RPF2: variants seen among roughly 807,000 people sequenced by gnomAD.
RPF2 encodes ribosome production factor 2 homolog.
A neutral mutation model predicts 38.9 loss-of-function variants in RPF2; 21 were observed. That is an observed-to-expected ratio of 0.54 (90% CI 0.38 to 0.78). The LOEUF (loss-of-function observed/expected upper bound fraction) is 0.78. RPF2 is among the 30% of genes least tolerant of loss of function. The probability of loss-of-function intolerance (pLI) is 0.00; values close to 1 mark genes in which losing one functional copy is unlikely to be tolerated. For missense variants in RPF2, 314 were observed against 358.1 expected, an observed-to-expected ratio of 0.88 and a Z score of 0.99; for synonymous variants, 121 against 126.2, an observed-to-expected ratio of 0.96 and a Z score of 0.28.
At chr6:110,984,451 T>C (rs1488130665) in intron 1 of RPF2, among the ~76,000 whole-genome samples, 1 of 152,134 alleles carries the variant, frequency 6.6e-6, no homozygotes, top group Non-Finnish European at 1.5e-5. Flanking sequence ...AATAAAAGAA[T>C]GGTGGGAATA....
chr6:110,999,993 C>T (rs973288268), intron 6 of RPF2, among the ~76,000 whole-genome samples: 16 of 152,106 alleles, frequency 1.1e-4, no homozygotes, highest in African/African-American at 3.9e-4. Flanking sequence ...CATATGTGGA[C>T]TTTGTGGCTG....
intron 4 of RPF2, among the ~76,000 whole-genome samples, chr6:110,994,521 G>T (rs1771674058): frequency 1.3e-5 from 2 of 151,860 alleles, no homozygotes; most frequent in South Asian, 2.1e-4. Flanking sequence ...GGAGTTTGAG[G>T]TTATAGTGAG....
intron 2 of RPF2, 25 bp downstream of exon 2, chr6:110,985,163 A>G (rs1352419900): frequency 6.3e-7 from 1 of 1,583,186 alleles, no homozygotes; most frequent in Non-Finnish European, 8.6e-7. Context: ...TTAATCTTTA[A>G]AAGGTATTGA....
At chr6:111,008,898 CTTTTTTTTTT>C (rs57167034) in intron 7 of RPF2, among the ~76,000 whole-genome samples, 25 of 120,418 alleles carry the variant, frequency 2.1e-4, no homozygotes, top group Admixed American at 5.0e-4. Context: ...TTCCTGGCTC[CTTTTTTTTTT>C]TTTTTTTTAA....
At chr6:111,022,554 ATTATACATAG>A (rs776260743) in intron 8 of RPF2, among the ~76,000 whole-genome samples, 17 of 152,372 alleles carry the variant, frequency 1.1e-4, no homozygotes, top group Non-Finnish European at 2.2e-4. Context: ...AACATAGGTA[ATTATACATAG>A]TTATTTGGAA....
chr6:110,985,983 G>T (rs1204432920), intron 2 of RPF2, among the ~76,000 whole-genome samples: 1 of 152,028 alleles, frequency 6.6e-6, no homozygotes, highest in African/African-American at 2.4e-5. Context: ...CACAGGGTAG[G>T]TTCCCCCAGA....
chr6:111,020,135 G>A (rs1299685926), intron 8 of RPF2, among the ~76,000 whole-genome samples: 1 of 152,060 alleles, frequency 6.6e-6, no homozygotes, highest in Non-Finnish European at 1.5e-5. Context: ...AGTCAGGATG[G>A]TCTCAATCTC....
At chr6:111,000,601 C>T (rs1183463247) in intron 6 of RPF2, among the ~76,000 whole-genome samples, 1 of 152,144 alleles carries the variant, frequency 6.6e-6, no homozygotes, top group Non-Finnish European at 1.5e-5. Context: ...AGTAAAAATA[C>T]TCTTAGAAAG....
At chr6:111,004,661 C>T (rs951323718) in intron 6 of RPF2, among the ~76,000 whole-genome samples, 1 of 151,734 alleles carries the variant, frequency 6.6e-6, no homozygotes, top group Non-Finnish European at 1.5e-5. Flanking sequence ...TCTACTGCAA[C>T]CTCCACCCCA....
chr6:111,011,393 T>G (rs1425667688), intron 7 of RPF2, among the ~76,000 whole-genome samples: 3 of 146,582 alleles, frequency 2.0e-5, no homozygotes, highest in Non-Finnish European at 4.5e-5. Context: ...GGTCAAGCAA[T>G]TCTCTTCCTT....
At chr6:110,992,874 C>T (rs1194098194) in intron 4 of RPF2, among the ~76,000 whole-genome samples, 5 of 151,924 alleles carry the variant, frequency 3.3e-5, no homozygotes. Context: ...CCTAGGAGTT[C>T]GAGACCAGCT....
chr6:111,017,653 T>G (rs1583274639), intron 8 of RPF2, among the ~76,000 whole-genome samples: 8 of 125,422 alleles, frequency 6.4e-5, no homozygotes, highest in African/African-American at 9.4e-5. Context: ...TCTCAGACGA[T>G]GGGCGGCCGG....
intron 1 of RPF2, among the ~76,000 whole-genome samples, chr6:110,983,803 G>C (rs1771473818): frequency 2.0e-5 from 2 of 97,798 alleles, no homozygotes; most frequent in African/African-American, 1.0e-4. Context: ...AGGCGGGGGG[G>C]TGGGTCACGA....
At chr6:110,993,643 G>A (rs1465460311) in intron 4 of RPF2, among the ~76,000 whole-genome samples, 1 of 152,118 alleles carries the variant, frequency 6.6e-6, no homozygotes, top group Non-Finnish European at 1.5e-5. Context: ...TAGCATTTGA[G>A]CTTTTTTAGT....
chr6:111,004,706 G>C (rs1035773851), intron 6 of RPF2, among the ~76,000 whole-genome samples: 2 of 151,832 alleles, frequency 1.3e-5, no homozygotes, highest in East Asian at 3.9e-4. Flanking sequence ...AGCCTCCCAA[G>C]TAGCTGGTTG....
intron 6 of RPF2, among the ~76,000 whole-genome samples, chr6:111,003,601 T>C (rs932342787): frequency 6.6e-6 from 1 of 152,112 alleles, no homozygotes; most frequent in Admixed American, 6.6e-5. Flanking sequence ...CGTCAAAGGA[T>C]GATTATATTC....
At chr6:111,023,943 G>A (rs1447657015) in intron 8 of RPF2, among the ~76,000 whole-genome samples, 3 of 151,774 alleles carry the variant, frequency 2.0e-5, no homozygotes, top group East Asian at 1.9e-4. Flanking sequence ...AGCCAAGATC[G>A]CGCCACTGCA....
intron 4 of RPF2, 145 bp from the exon 5 acceptor site, chr6:110,997,038 G>A (rs774691962): frequency 1.6e-6 from 1 of 618,572 alleles, no homozygotes; most frequent in East Asian, 3.0e-5. Flanking sequence ...CTGATCTCAA[G>A]TAATCAACTC....
chr6:111,017,433 G>C (rs879556969), intron 8 of RPF2, among the ~76,000 whole-genome samples: 2 of 149,416 alleles, frequency 1.3e-5, no homozygotes, highest in Admixed American at 6.6e-5. Context: ...GCTGCCGGAT[G>C]GGGGGGCTCC....
Sources: gnomAD v4.1 joint callset for allele counts (sites outside exome capture counted in the v4.1 genomes callset) on GRCh38, gnomAD v4.1.1 for gene constraint, MANE v1.5 for transcripts, NCBI Gene and HGNC (gene_info 2026-07-23, HGNC 2026-07-21) for gene names.